The following PBX3 variants were observed in gnomAD, a reference collection of about 807,000 sequenced individuals.
PBX3 encodes PBX homeobox 3, also known as pre-B-cell leukemia transcription factor 3.
PBX3 carries 14 observed loss-of-function variants against 48.5 expected under a neutral mutation model. The ratio of observed to expected loss-of-function variants is 0.29; its 90% CI spans 0.19 to 0.45. The LOEUF (loss-of-function observed/expected upper bound fraction) is 0.45. PBX3 is among the 20% of genes least tolerant of loss of function. PBX3 has a pLI of 1.00. For missense variants in PBX3, 386 were observed against 546.7 expected, an observed-to-expected ratio of 0.71 and a Z score of 2.93; for synonymous variants, 210 against 200.3, an observed-to-expected ratio of 1.05 and a Z score of -0.41.
intron 2 of PBX3, among the ~76,000 whole-genome samples, chr9:125,783,001 TTGATTATAATG>T (rs1837362655): frequency 6.6e-6 from 1 of 152,240 alleles, no homozygotes; most frequent in South Asian, 2.1e-4. Context: ...TTTCAACAGT[TTGATTATAATG>T]TGTCTCAATG....
At chr9:125,915,176 AT>A (rs1287984650) in intron 2 of PBX3, among the ~76,000 whole-genome samples, 5 of 152,238 alleles carry the variant, frequency 3.3e-5, no homozygotes, top group African/African-American at 1.2e-4. Context: ...AGCTCATCTA[AT>A]GTTGTTTATT....
chr9:125,956,677 C>T (rs1842316787), intron 5 of PBX3, among the ~76,000 whole-genome samples: 2 of 152,306 alleles, frequency 1.3e-5, no homozygotes, highest in Admixed American at 1.3e-4. Context: ...TGCTTTTATT[C>T]TCATTTTTAA....
At chr9:125,829,736 A>C (rs997288665) in intron 2 of PBX3, among the ~76,000 whole-genome samples, 8 of 152,164 alleles carry the variant, frequency 5.3e-5, no homozygotes, top group African/African-American at 1.9e-4. Context: ...AGAGAAGCAA[A>C]ATAATTGTTT....
chr9:125,919,217 C>CT lies in PBX3; in HGVS notation c.516+3304dup, dbSNP rs929986536. On this transcript the variant is annotated intron_variant, in intron 3 of 8. Coordinates refer to ENST00000373489, the MANE Select transcript of PBX3 (RefSeq NM_006195.6). Reference sequence around the variant, plus strand: ...AGCAGATGGAAAAACAACTTTTTAACTTTTTTTTTTTTTTAAGACAGAATC... The same window carrying CT: ...AGCAGATGGAAAAACAACTTTTTAACTTTTTTTTTTTTTTTAAGACAGAATC... Among the ~76,000 whole-genome samples, 478 of 143,774 alleles carry CT rather than the reference C, an allele frequency of 3.3e-3. 1 individual carries two copies. Among genetic ancestry groups the CT allele is most frequent in the Non-Finnish European group, 4.5e-3 (294 of 65,216 alleles). The allele number at this position is 143,774 out of a possible 152,430, so 94.3% of individuals were successfully genotyped here.
intron 2 of PBX3, among the ~76,000 whole-genome samples, chr9:125,868,491 A>G (rs115148796): frequency 0.02 from 3,109 of 152,312 alleles, 116 homozygotes; most frequent in African/African-American, 0.069. Context: ...GAAGTAAGAC[A>G]TAATGTGGGC....
intron 2 of PBX3, among the ~76,000 whole-genome samples, chr9:125,757,274 GT>G (rs202061943): frequency 8.1e-5 from 12 of 148,210 alleles, no homozygotes; most frequent in Middle Eastern, 3.3e-3. Context: ...TCCCACCATT[GT>G]TTTTTTTTAA....
chr9:125,951,114 G>A (rs1002494171), intron 5 of PBX3, among the ~76,000 whole-genome samples: 1 of 152,098 alleles, frequency 6.6e-6, no homozygotes, highest in African/African-American at 2.4e-5. Flanking sequence ...GATAATACAT[G>A]CAAAGTTCCT....
intron 2 of PBX3, among the ~76,000 whole-genome samples, chr9:125,749,949 G>A (rs1228705666): frequency 6.6e-6 from 1 of 152,096 alleles, no homozygotes; most frequent in Non-Finnish European, 1.5e-5. Context: ...GTTTCTTAAT[G>A]CTCAGTGATC....
rs1175945190 is a variant in PBX3, at chr9:125,967,006, C to G, written c.*1083C>G. The G allele has an allele frequency of 6.6e-6, 1 of 151,124 alleles. No individual in the cohort carries two copies. The highest frequency in any genetic ancestry group is 1.5e-5 in the Non-Finnish European group (1 of 67,862). The allele number at this position is 151,124 out of a possible 1,614,324, so 9.4% of individuals were successfully genotyped here. A position where few individuals can be genotyped will look rare whatever the true frequency, so the allele number is the denominator to read the frequency against. On this transcript the variant is annotated 3_prime_UTR_variant, in exon 9 of 9. Coordinates refer to ENST00000373489, the MANE Select transcript of PBX3 (RefSeq NM_006195.6). ...AAAACCGAGTGTGGAAACATTGGGTCTTAATTCAACACAGGATCGGTAAAA... is the reference window on the plus strand; with the variant it reads ...AAAACCGAGTGTGGAAACATTGGGTGTTAATTCAACACAGGATCGGTAAAA...
intron 5 of PBX3, among the ~76,000 whole-genome samples, chr9:125,952,251 A>G (rs1402581570): frequency 1.3e-5 from 2 of 152,248 alleles, no homozygotes; most frequent in Non-Finnish European, 2.9e-5. Context: ...GTTAATTTCA[A>G]TAATGATGTT....
chr9:125,946,710 A>G (rs79677015), intron 5 of PBX3, among the ~76,000 whole-genome samples: 5,735 of 152,198 alleles, frequency 0.038, 374 homozygotes, highest in African/African-American at 0.13. Context: ...GGAGACAGAG[A>G]ATAGGAGACA....
intron 2 of PBX3, among the ~76,000 whole-genome samples, chr9:125,827,550 C>T (rs2132178940): frequency 6.6e-6 from 1 of 152,160 alleles, no homozygotes; most frequent in South Asian, 2.1e-4. Flanking sequence ...TGTATATATA[C>T]ACATATGTAA....
Position 125,965,963 on chromosome 9 carries a change from AG to A in PBX3, c.*41del, listed in dbSNP as rs1211685067. 3 of 1,455,144 alleles carry A rather than the reference AG, an allele frequency of 2.1e-6. No individual in the cohort carries two copies. In the East Asian group the frequency reaches 6.8e-5, roughly 33 times the overall value. 90.1% of individuals were successfully genotyped at this position (1,455,144 alleles called of 1,614,324 possible). ...TTTCCCTGAGCTACATGCCTTGATAAGTGCATTCAGAGCAATAGGAGGAAAA... is the reference window on the plus strand; with the variant it reads ...TTTCCCTGAGCTACATGCCTTGATAATGCATTCAGAGCAATAGGAGGAAAA... On this transcript the variant is annotated 3_prime_UTR_variant, in exon 9 of 9. Coordinates refer to ENST00000373489, the MANE Select transcript of PBX3 (RefSeq NM_006195.6).
intron 2 of PBX3, among the ~76,000 whole-genome samples, chr9:125,851,561 C>G (rs1172075803): frequency 6.6e-6 from 1 of 152,048 alleles, no homozygotes; most frequent in African/African-American, 2.4e-5. Context: ...AAAAATACTT[C>G]ACTGTGATTG....
In PBX3 at chr9:125,949,825, G is replaced by A. The variant is rs1314347227; in HGVS notation, c.844-10859G>A. 2.6e-5 allele frequency among the ~76,000 whole-genome samples: 4 copies of A among 152,158 alleles called. No individual in the cohort carries two copies. In the East Asian group the frequency reaches 5.8e-4, roughly 22 times the overall value. ...TCTTATTTACAGGGATTAGATTTAC[G>A]TGAAACTTGTCAGGACAAAAAGTCT... On this transcript the variant is annotated intron_variant, in intron 5 of 8. Coordinates refer to ENST00000373489, the MANE Select transcript of PBX3 (RefSeq NM_006195.6).
chr9:125,826,145 G>A lies in PBX3; in HGVS notation c.274+77522G>A, dbSNP rs1441672919. ...TGTAGTGAATAGAGATTCTCGCCTA[G>A]TAAATTCCTTTATTTACCACAATCT... On this transcript the variant is annotated intron_variant, in intron 2 of 8. Coordinates refer to ENST00000373489, the MANE Select transcript of PBX3 (RefSeq NM_006195.6). Among the ~76,000 whole-genome samples, 3 of 152,230 alleles carry A rather than the reference G, an allele frequency of 2.0e-5. No homozygotes were observed. In the South Asian group the frequency reaches 6.2e-4, roughly 32 times the overall value.
chr9:125,783,117 T>TATTTTGTCAA (rs1468466734), intron 2 of PBX3, among the ~76,000 whole-genome samples: 3 of 152,214 alleles, frequency 2.0e-5, no homozygotes, highest in Non-Finnish European at 4.4e-5. Flanking sequence ...TCAAAGCCAA[T>TATTTTGTCAA]ATTTTGTCAA....
chr9:125,925,818 G>A (rs781307934), intron 3 of PBX3, among the ~76,000 whole-genome samples: 4 of 152,156 alleles, frequency 2.6e-5, no homozygotes, highest in African/African-American at 4.8e-5. Flanking sequence ...TTACTCTAGA[G>A]AGAAATTTTG....
intron 2 of PBX3, among the ~76,000 whole-genome samples, chr9:125,800,587 T>C (rs1837910820): frequency 6.6e-6 from 1 of 152,068 alleles, no homozygotes; most frequent in African/African-American, 2.4e-5. Flanking sequence ...AACAAACTGG[T>C]TGGAATGGCT....
Sources: allele counts gnomAD v4.1 joint callset (sites outside exome capture counted in the v4.1 genomes callset), GRCh38; gene constraint gnomAD v4.1.1; transcripts MANE v1.5; gene names NCBI Gene and HGNC (gene_info 2026-07-23, HGNC 2026-07-21).